The following CLTA variants were observed in gnomAD, a reference collection of about 807,000 sequenced individuals.
CLTA encodes clathrin, light polypeptide (Lca).
CLTA carries 9 observed loss-of-function variants against 26.9 expected under a neutral mutation model. The observed-to-expected ratio is 0.33, with a 90% CI of 0.20 to 0.58. The LOEUF is 0.58. Among genes scored for constraint, CLTA ranks in the 20% least tolerant of loss-of-function variants. The probability of loss-of-function intolerance (pLI) is 0.85; values close to 1 mark genes in which losing one functional copy is unlikely to be tolerated. For missense variants in CLTA, 278 were observed against 294.2 expected (o/e 0.94, Z 0.40); for synonymous variants, 120 against 115.5 (o/e 1.04, Z -0.25).
intron 3 of CLTA, among the ~76,000 whole-genome samples, chr9:36,202,349 C>T (rs1827465555): frequency 6.6e-6 from 1 of 152,130 alleles, no homozygotes; most frequent in African/African-American, 2.4e-5. Flanking sequence ...TAAAAATGCC[C>T]AAGAATACTT....
intron 4 of CLTA, among the ~76,000 whole-genome samples, chr9:36,206,307 C>T (rs1459613892): frequency 2.0e-5 from 3 of 152,106 alleles, no homozygotes; most frequent in African/African-American, 7.2e-5. Context: ...GAGCATAACG[C>T]TAGTGGCACA....
intron 1 of CLTA, 105 bp downstream of exon 1, chr9:36,191,378 G>A: frequency 1.5e-6 from 2 of 1,309,510 alleles, no homozygotes; most frequent in Non-Finnish European, 2.0e-6. Flanking sequence ...GAATTAGGAG[G>A]TTAGGGAGCA....
intron 4 of CLTA, 38 bp from the exon 5 acceptor site, chr9:36,211,565 G>T (rs1226362467): frequency 1.0e-5 from 16 of 1,571,740 alleles, no homozygotes; most frequent in East Asian, 4.5e-5. Flanking sequence ...CTCAAAGGGG[G>T]TTCTGCATAA....
At chr9:36,205,845 C>T (rs1827692038) in intron 4 of CLTA, among the ~76,000 whole-genome samples, 1 of 149,774 alleles carries the variant, frequency 6.7e-6, no homozygotes. Flanking sequence ...CTGCAAGCTC[C>T]ACCTCCTGGA....
chr9:36,191,135 G>A lies in CLTA; in HGVS notation c.79G>A (p.Gly27Ser), dbSNP rs762295830. 2.1e-5 allele frequency: 34 copies of A among 1,600,790 alleles called. No individual in the cohort carries two copies. The highest frequency in any genetic ancestry group is 3.4e-5 in the Admixed American group (2 of 58,980). The part of the protein sequence containing the change: ...PALGNGVAGA[G>S]EEDPAAAFLA... ...GCTGGGGAACGGAGTGGCCGGCGCCGGCGAAGAAGACCCGGCTGCGGCCTT... is the reference window on the plus strand; with the variant it reads ...GCTGGGGAACGGAGTGGCCGGCGCCAGCGAAGAAGACCCGGCTGCGGCCTT... The change falls in exon 1 of 5, where the codon GGC becomes AGC. Residue 27 changes from glycine (G) to serine (S), a missense_variant. Physicochemically the swap from Gly to Ser is moderately conservative, Grantham distance 56 (BLOSUM62 0). Transcript: ENST00000345519.
At chr9:36,191,403 C>G in intron 1 of CLTA, 130 bp downstream of exon 1, 1 of 1,106,842 alleles carries the variant, frequency 9.0e-7, no homozygotes, top group Non-Finnish European at 1.2e-6. Context: ...AAACAGGAAA[C>G]GAGACCCTGG....
chr9:36,208,793 C>T (rs1034626861), intron 4 of CLTA, among the ~76,000 whole-genome samples: 2 of 152,184 alleles, frequency 1.3e-5, no homozygotes, highest in Admixed American at 6.5e-5. Flanking sequence ...AGAAAGAGCC[C>T]TGGACTTAGG....
At chr9:36,191,599 AC>A (rs1826726115) in intron 1 of CLTA, among the ~76,000 whole-genome samples, 1 of 152,204 alleles carries the variant, frequency 6.6e-6, no homozygotes. Flanking sequence ...CTCTGAAGCA[AC>A]CGCATTGGCG....
intron 2 of CLTA, 24 bp downstream of exon 2, chr9:36,197,612 C>G (rs1274475554): frequency 1.3e-6 from 2 of 1,547,082 alleles, no homozygotes; most frequent in Admixed American, 3.5e-5. Flanking sequence ...TGATTCTGTT[C>G]ATTGATAGTG....
At position 36,211,709 on chromosome 9, in the gene CLTA, G is replaced by A; in HGVS notation, c.592G>A (p.Ala198Thr). The A allele has an allele frequency of 6.2e-7, 1 of 1,614,080 alleles. No homozygotes were observed. Residue 198 changes from alanine to threonine, a missense_variant, in exon 5 of 5, where the codon GCC becomes ACC. Coordinates refer to ENST00000345519, the MANE Select transcript of CLTA (RefSeq NM_001833.4). ...CTTTAACCCCAAGTCTAGCAAGCAG[G>A]CCAAAGATGTCTCCCGCATGCGCTC... ...CDFNPKSSKQ[A>T]KDVSRMRSVL...
intron 4 of CLTA, among the ~76,000 whole-genome samples, chr9:36,210,018 C>A (rs1827945007): frequency 6.6e-6 from 1 of 152,212 alleles, no homozygotes; most frequent in Non-Finnish European, 1.5e-5. Context: ...ATACGGGCCA[C>A]TTGGGCTTCT....
intron 1 of CLTA, among the ~76,000 whole-genome samples, chr9:36,194,141 T>A (rs1826897766): frequency 6.6e-6 from 1 of 152,224 alleles, no homozygotes; most frequent in Non-Finnish European, 1.5e-5. Flanking sequence ...TTATCCTGCC[T>A]CAGCCTCCCG....
At chr9:36,197,521 A>G (rs550095942) in intron 1 of CLTA, 30 bp from the exon 2 acceptor site, 2 of 1,591,798 alleles carry the variant, frequency 1.3e-6, no homozygotes, top group East Asian at 2.2e-5. Context: ...ACCAGTCCTT[A>G]TTGATAGACC....
intron 1 of CLTA, 140 bp downstream of exon 1, chr9:36,191,413 G>A (rs1826709219): frequency 9.4e-7 from 1 of 1,059,706 alleles, no homozygotes; most frequent in Non-Finnish European, 1.3e-6. Context: ...CGAGACCCTG[G>A]CCCGGTCTTT....
intron 4 of CLTA, chr9:36,210,738 G>T: frequency 6.4e-7 from 1 of 1,558,594 alleles, no homozygotes; most frequent in Non-Finnish European, 8.8e-7. Flanking sequence ...GGGCTTCAGC[G>T]GTGTTTGCCA....
chr9:36,191,401 A>G, intron 1 of CLTA, 128 bp downstream of exon 1: 1 of 1,113,800 alleles, frequency 9.0e-7, no homozygotes, highest in Non-Finnish European at 1.2e-6. Flanking sequence ...GCAAACAGGA[A>G]ACGAGACCCT....
chr9:36,201,830 G>A lies in CLTA; in HGVS notation c.374-2238G>A, dbSNP rs1827429566. ...ACACATATTAGATGTTTACTGTAGAGGCTAGGTGGTGTGGCTCAGGTCTGT... is the reference window on the plus strand; with the variant it reads ...ACACATATTAGATGTTTACTGTAGAAGCTAGGTGGTGTGGCTCAGGTCTGT... On this transcript the variant is annotated intron_variant, in intron 3 of 4. Coordinates refer to ENST00000345519, the MANE Select transcript of CLTA (RefSeq NM_001833.4). 3.9e-5 allele frequency among the ~76,000 whole-genome samples: 6 copies of A among 152,146 alleles called. No individual in the cohort carries two copies. In the South Asian group the frequency reaches 1.2e-3, roughly 32 times the overall value.
chr9:36,210,745 G>C, intron 4 of CLTA: 2 of 1,520,022 alleles, frequency 1.3e-6, no homozygotes, highest in Non-Finnish European at 1.8e-6. Context: ...AGCGGTGTTT[G>C]CCACGGCCAT....
At chr9:36,202,402 T>C (rs1273246573) in intron 3 of CLTA, among the ~76,000 whole-genome samples, 1 of 152,066 alleles carries the variant, frequency 6.6e-6, no homozygotes, top group Non-Finnish European at 1.5e-5. Context: ...CCGCTACTGC[T>C]ATCTACTCTC....
Sources: allele counts gnomAD v4.1 joint callset (sites outside exome capture counted in the v4.1 genomes callset), GRCh38; gene constraint gnomAD v4.1.1; transcripts MANE v1.5; gene names NCBI Gene and HGNC (gene_info 2026-07-23, HGNC 2026-07-21).